The following PSD2 variants were observed in gnomAD, a reference collection of about 807,000 sequenced individuals.
The protein encoded by PSD2 is pleckstrin and Sec7 domain containing 2, also known as PH and SEC7 domain-containing protein 2.
A neutral mutation model predicts 69.8 loss-of-function variants in PSD2; 38 were observed. The ratio of observed to expected loss-of-function variants is 0.54; its 90% confidence interval spans 0.42 to 0.71. The LOEUF (loss-of-function observed/expected upper bound fraction) is 0.71. Among genes scored for constraint, PSD2 ranks in the 30% least tolerant of loss-of-function variants. The pLI, the probability that PSD2 is intolerant of heterozygous loss-of-function variation, is 0.00. For synonymous variants in PSD2, 412 were observed against 423.0 expected (o/e 0.97, Z 0.32); for missense variants, 943 against 1,014.5 (o/e 0.93, Z 0.96).
chr5:139,794,285 G>A (rs1339182341), upstream of PSD2, among the ~76,000 whole-genome samples: 2 of 152,170 alleles, frequency 1.3e-5, no homozygotes, highest in Admixed American at 6.5e-5. Context: ...TCTGTAAAAC[G>A]GGTTGTAGGA....
the PSD2 span, among the ~76,000 whole-genome samples, chr5:139,785,309 T>C: frequency 6.6e-6 from 1 of 151,284 alleles, no homozygotes; most frequent in African/African-American, 2.4e-5. Flanking sequence ...CTGCAACCTC[T>C]GCCTCCTGGG....
the PSD2 span, among the ~76,000 whole-genome samples, chr5:139,744,491 G>A: frequency 1.4e-3 from 208 of 152,224 alleles, 1 homozygote; most frequent in African/African-American, 4.6e-3. Flanking sequence ...TCATTCCCCC[G>A]CCTGCTCGCC....
chr5:139,780,394 C>T, the PSD2 span, among the ~76,000 whole-genome samples: 2 of 152,122 alleles, frequency 1.3e-5, no homozygotes, highest in Admixed American at 6.6e-5. Flanking sequence ...TTTGTTGGAA[C>T]CTGAATGTTG....
At position 139,822,744 on chromosome 5, in the gene PSD2, C is replaced by A. The variant is rs763770915; in HGVS notation, c.1229C>A (p.Thr410Asn). The change falls in exon 7 of 15, where the codon ACC (threonine) becomes AAC (asparagine). Residue 410 changes from threonine to asparagine, a missense_variant. Thr to Asn is a moderately conservative substitution (Grantham distance 65). Transcript: ENST00000274710. ...GACTCAGATGGGATCCACACGCTCACCTGTGCCCTGATGCTGCTCAACACG... is the reference window on the plus strand; with the variant it reads ...GACTCAGATGGGATCCACACGCTCAACTGTGCCCTGATGCTGCTCAACACG... ...STSEDGIHTL[T>N]CALMLLNTDL... is the part of the protein sequence containing the mutation. The A allele has an allele frequency of 5.6e-6, 9 of 1,611,054 alleles. No homozygotes were observed. The highest frequency in any genetic ancestry group is 7.6e-6 in the Non-Finnish European group (9 of 1,178,636).
rs376116344 is a variant in PSD2 at position 139,821,843 on chromosome 5, C to T, written c.1098-50C>T. On this transcript the variant is annotated intron_variant, in intron 5 of 14. Coordinates refer to ENST00000274710, the MANE Select transcript of PSD2 (RefSeq NM_032289.4). ...GCTGTGTGTGTGGGGGGTGGTCTTA[C>T]CCTGGGTGAGGACTCAGACTGCCCT... is the stretch of plus-strand genomic sequence containing the variant. 8.7e-6 allele frequency: 10 copies of T among 1,155,218 alleles called. No homozygotes were observed. In the African/African-American group the frequency reaches 1.4e-4, roughly 16 times the overall value. 71.6% of individuals were successfully genotyped at this position (1,155,218 alleles called of 1,614,324 possible). A position where few individuals can be genotyped will look rare whatever the true frequency, so the allele number is the denominator to read the frequency against.
intron 2 of PSD2, among the ~76,000 whole-genome samples, chr5:139,810,990 C>T (rs1759943964): frequency 1.3e-5 from 2 of 152,072 alleles, no homozygotes. Flanking sequence ...GTGGCTCTGA[C>T]CCTGGGCTGA....
chr5:139,764,181 T>C, the PSD2 span, among the ~76,000 whole-genome samples: 1 of 152,162 alleles, frequency 6.6e-6, no homozygotes, highest in Non-Finnish European at 1.5e-5. Context: ...ACACTGTTTC[T>C]GTGTCTGCCT....
At chr5:139,836,220 A>G (rs1382813583) in intron 9 of PSD2, among the ~76,000 whole-genome samples, 2 of 152,236 alleles carry the variant, frequency 1.3e-5, no homozygotes, top group African/African-American at 4.8e-5. Flanking sequence ...TGAGACCTGT[A>G]GGTCTCATCA....
the PSD2 span, among the ~76,000 whole-genome samples, chr5:139,762,460 C>T: frequency 6.6e-6 from 1 of 152,324 alleles, no homozygotes; most frequent in African/African-American, 2.4e-5. Flanking sequence ...CCCACCTCAG[C>T]CTCTTGACTA....
At chr5:139,764,908 G>A in the PSD2 span, among the ~76,000 whole-genome samples, 5 of 152,144 alleles carry the variant, frequency 3.3e-5, no homozygotes, top group Non-Finnish European at 7.4e-5. Context: ...CTAAGTCCTG[G>A]CTGTGAAAGT....
Position 139,837,541 on chromosome 5 carries a change from A to AG in PSD2, c.1666-81dup. On this transcript the variant is annotated intron_variant, in intron 11 of 14. Transcript: ENST00000274710. The surrounding 1 kb of genome is among the most constrained non-coding windows in gnomAD (Gnocchi z 5.0). Reference sequence around the variant, plus strand: ...AGGAACAGAAAATTAAGGGAGCCGTAGGGTTAGACAGAGAGCAGTGAGGGG... The same window carrying AG: ...AGGAACAGAAAATTAAGGGAGCCGTAGGGGTTAGACAGAGAGCAGTGAGGGG... The AG allele has an allele frequency of 1.4e-6, 2 of 1,391,556 alleles. No homozygotes were observed. Among genetic ancestry groups the AG allele is most frequent in the Non-Finnish European group, 2.0e-6 (2 of 1,019,158 alleles). 86.2% of individuals were successfully genotyped at this position (1,391,556 alleles called of 1,614,324 possible).
At chr5:139,822,180 G>A (rs1309866827) in intron 6 of PSD2, among the ~76,000 whole-genome samples, 175 bp downstream of exon 6, 1 of 152,176 alleles carries the variant, frequency 6.6e-6, no homozygotes, top group Non-Finnish European at 1.5e-5. Context: ...ATGGCACACG[G>A]TCTGCCTGCT....
At chr5:139,816,872 C>A (rs919094314) in intron 4 of PSD2, among the ~76,000 whole-genome samples, 1 of 152,184 alleles carries the variant, frequency 6.6e-6, no homozygotes, top group African/African-American at 2.4e-5. Flanking sequence ...ACGGATGCCT[C>A]GTCCTGAAGT....
chr5:139,814,453 G>T lies in PSD2; in HGVS notation c.1016+89G>T. On this transcript the variant is annotated intron_variant, in intron 4 of 14. Coordinates refer to ENST00000274710, the MANE Select transcript of PSD2 (RefSeq NM_032289.4). The surrounding 1 kb of genome is among the most constrained non-coding windows in gnomAD (Gnocchi z 4.4). ...GGTGTGGGTGACCTTCTTCAGGGGT[G>T]CCAGGTGCTGGGGGGGCACTCCCAA... 2 of 1,253,858 alleles carry T rather than the reference G, an allele frequency of 1.6e-6. No homozygotes were observed. The highest frequency in any genetic ancestry group is 2.1e-6 in the Non-Finnish European group (2 of 933,332). 77.7% of individuals were successfully genotyped at this position (1,253,858 alleles called of 1,614,324 possible).
At chr5:139,824,449 T>A (rs1760362176) in intron 7 of PSD2, among the ~76,000 whole-genome samples, 1 of 141,972 alleles carries the variant, frequency 7.0e-6, no homozygotes, top group South Asian at 2.3e-4. Context: ...TAGGCTGGAG[T>A]GCAGTGGCGA....
At chr5:139,825,280 G>T (rs1244679685) in intron 7 of PSD2, among the ~76,000 whole-genome samples, 1 of 152,170 alleles carries the variant, frequency 6.6e-6, no homozygotes, top group Non-Finnish European at 1.5e-5. Flanking sequence ...AAAGATCTAG[G>T]ACCACGCATT....
At chr5:139,795,630 G>C (rs1412196503), upstream of PSD2, among the ~76,000 whole-genome samples, 1 of 151,618 alleles carries the variant, frequency 6.6e-6, no homozygotes, top group Non-Finnish European at 1.5e-5. The surrounding 1 kb of genome is among the most constrained non-coding windows in gnomAD (Gnocchi z 4.5). Flanking sequence ...CGCTCTCCCC[G>C]GCACGCTCGG....
chr5:139,789,772 G>A, the PSD2 span, among the ~76,000 whole-genome samples: 2 of 152,096 alleles, frequency 1.3e-5, no homozygotes, highest in African/African-American at 2.4e-5. Flanking sequence ...CAGCGGTGGT[G>A]GGGACACAGA....
rs1423914604 is a variant in PSD2 at position 139,839,631 on chromosome 5, G to A, written c.1969-396G>A. Among the ~76,000 whole-genome samples, 1 of 152,212 alleles carries A rather than the reference G, an allele frequency of 6.6e-6. No homozygotes were observed. Among genetic ancestry groups the A allele is most frequent in the Non-Finnish European group, 1.5e-5 (1 of 68,028 alleles). On this transcript the variant is annotated intron_variant, in intron 13 of 14. Coordinates refer to ENST00000274710, the MANE Select transcript of PSD2 (RefSeq NM_032289.4). The surrounding 1 kb of genome is among the most constrained non-coding windows in gnomAD (Gnocchi z 5.1). ...AGAACGCGTGTATCATATGGAGCAGGGGATAGCGGGGCCAGGCTGGCCTTG... is the reference window on the plus strand; with the variant it reads ...AGAACGCGTGTATCATATGGAGCAGAGGATAGCGGGGCCAGGCTGGCCTTG...
Sources: allele counts gnomAD v4.1 joint callset (sites outside exome capture counted in the v4.1 genomes callset), GRCh38; gene constraint gnomAD v4.1.1; non-coding constraint Gnocchi (gnomAD v3.1); transcripts MANE v1.5; gene names NCBI Gene and HGNC (gene_info 2026-07-23, HGNC 2026-07-21).